Variants in RERE observed in about 807,000 individuals in gnomAD.
The protein encoded by RERE is arginine-glutamic acid dipeptide repeats protein.
Under a neutral mutation model 146.1 loss-of-function variants are expected in RERE, and 40 were observed. The ratio of observed to expected loss-of-function variants is 0.27; its 90% CI spans 0.21 to 0.36. The LOEUF (loss-of-function observed/expected upper bound fraction) is 0.36, where lower values mean the gene tolerates loss of function less well. Ranked by LOEUF, RERE falls within the 10% of genes least tolerant of loss-of-function variation. The pLI is 1.00. For missense variants in RERE, 1,933 were observed against 2,138.7 expected, an observed-to-expected ratio of 0.90 and a Z score of 1.90; for synonymous variants, 1,003 against 866.0, an observed-to-expected ratio of 1.16 and a Z score of -2.78.
intron 8 of RERE, among the ~76,000 whole-genome samples, chr1:8,506,732 G>T (rs1309322731): frequency 1.6e-4 from 25 of 152,132 alleles, no homozygotes; most frequent in East Asian, 7.7e-4. Context: ...GACCTGCTGG[G>T]GAAATTTTCC....
At chr1:8,403,452 G>C (rs945387665) in intron 12 of RERE, among the ~76,000 whole-genome samples, 4 of 119,502 alleles carry the variant, frequency 3.3e-5, no homozygotes, top group African/African-American at 1.2e-4. Context: ...TTTTTTTCCT[G>C]CTTCTCGGGT....
intron 19 of RERE, 114 bp from the exon 20 acceptor site, chr1:8,359,030 T>A: frequency 7.6e-7 from 1 of 1,315,846 alleles, no homozygotes. Context: ...CAGGCCAACC[T>A]GGTCCCTCCA....
At position 8,774,347 on chromosome 1, in the gene RERE, A is replaced by ATTTTTT. The variant is rs34859762; in HGVS notation, c.-145+42807_-145+42812dup. Among the ~76,000 whole-genome samples, 251 of 93,144 alleles carry ATTTTTT rather than the reference A, an allele frequency of 2.7e-3. 2 individuals carry two copies. The highest frequency in any genetic ancestry group is 3.8e-3 in the Non-Finnish European group (185 of 48,184). 61.1% of individuals were successfully genotyped at this position (93,144 alleles called of 152,430 possible). On this transcript the variant is annotated intron_variant, in intron 1 of 22. Transcript: ENST00000400908. ...ATTATCTCCTTCATTTTGGCAAACT[A>ATTTTTT]TTTTTTTTTTTTTTTTTTTTTTTGC...
At chr1:8,788,485 C>T (rs1040998647) in intron 1 of RERE, among the ~76,000 whole-genome samples, 5 of 152,000 alleles carry the variant, frequency 3.3e-5, no homozygotes, top group African/African-American at 1.2e-4. Context: ...CTGCCTTAGC[C>T]TCCTCAGCAG....
chr1:8,694,001 A>T (rs1315227528), intron 1 of RERE, among the ~76,000 whole-genome samples: 1 of 151,126 alleles, frequency 6.6e-6, no homozygotes, highest in Non-Finnish European at 1.5e-5. Context: ...GCCTGTTAGC[A>T]AAACTGAACA....
In RERE at chr1:8,355,533, T is replaced by A. The variant is rs759745382; in HGVS notation, c.4553A>T (p.Gln1518Leu). The A allele has an allele frequency of 6.2e-7, 1 of 1,604,584 alleles. No homozygotes were observed. Among genetic ancestry groups the A allele is most frequent in the East Asian group, 2.2e-5 (1 of 44,602 alleles). ...CTCGGCCGACTGGGCATGCATGGCCTGCAGCTGGTGGGCTGCTGACATGGG... is the reference window on the plus strand; with the variant it reads ...CTCGGCCGACTGGGCATGCATGGCCAGCAGCTGGTGGGCTGCTGACATGGG... ...PPPMSAAHQL[Q>L]AMHAQSAELQ... The change falls in exon 22 of 23, where the codon CAG (glutamine) becomes CTG (leucine). Residue 1518 changes from glutamine (Q) to leucine (L), a missense_variant. Gln to Leu is a moderately radical substitution (Grantham distance 113). Coordinates refer to ENST00000400908, the MANE Select transcript of RERE (RefSeq NM_001042681.2).
chr1:8,668,360 G>C (rs1233613891), intron 1 of RERE, among the ~76,000 whole-genome samples: 1 of 152,206 alleles, frequency 6.6e-6, no homozygotes, highest in East Asian at 1.9e-4. Context: ...ATTACTCATA[G>C]GTGACCTGCT....
At chr1:8,509,316 C>T (rs1007372865) in intron 7 of RERE, among the ~76,000 whole-genome samples, 3 of 152,064 alleles carry the variant, frequency 2.0e-5, no homozygotes, top group Non-Finnish European at 2.9e-5. Context: ...TCAGACATTT[C>T]TTCCGTTCAA....
intron 7 of RERE, among the ~76,000 whole-genome samples, chr1:8,519,207 C>T (rs1345331325): frequency 6.6e-6 from 1 of 152,074 alleles, no homozygotes; most frequent in Admixed American, 6.6e-5. Flanking sequence ...ATAGCAAGAC[C>T]TAGTCTCTGC....
intron 1 of RERE, among the ~76,000 whole-genome samples, chr1:8,721,860 T>G (rs1312391982): frequency 6.6e-6 from 1 of 152,158 alleles, no homozygotes; most frequent in East Asian, 1.9e-4. Flanking sequence ...TAAACCCTTA[T>G]CTCTGTCTTG....
chr1:8,473,141 C>T (rs1386713185), intron 10 of RERE, among the ~76,000 whole-genome samples: 3 of 152,132 alleles, frequency 2.0e-5, no homozygotes, highest in Admixed American at 2.0e-4. Context: ...CCATGGAATC[C>T]TCTGAGATGT....
chr1:8,703,712 T>C (rs1158562921), intron 1 of RERE, among the ~76,000 whole-genome samples: 1 of 152,212 alleles, frequency 6.6e-6, no homozygotes, highest in Non-Finnish European at 1.5e-5. Context: ...CTGTGAGTGA[T>C]CAGCATTTCA....
intron 1 of RERE, among the ~76,000 whole-genome samples, chr1:8,669,499 AAACT>A: frequency 6.6e-6 from 1 of 152,350 alleles, no homozygotes; most frequent in East Asian, 1.9e-4. Context: ...ACTGAATTAC[AAACT>A]AACAAGAAAA....
chr1:8,463,617 G>C (rs928915397), intron 11 of RERE, among the ~76,000 whole-genome samples: 1 of 152,164 alleles, frequency 6.6e-6, no homozygotes, highest in Non-Finnish European at 1.5e-5. Context: ...AATTCCAGAG[G>C]GAATGAAAGG....
chr1:8,520,881 TA>T (rs1165908926), intron 7 of RERE, among the ~76,000 whole-genome samples: 1 of 149,600 alleles, frequency 6.7e-6, no homozygotes, highest in Non-Finnish European at 1.5e-5. Flanking sequence ...TCAAACTGTA[TA>T]ACAAAGCTGA....
chr1:8,780,669 T>C (rs1216559399), intron 1 of RERE, among the ~76,000 whole-genome samples: 1 of 152,116 alleles, frequency 6.6e-6, no homozygotes, highest in Admixed American at 6.5e-5. Context: ...CCAACAACTA[T>C]CACACAATGG....
chr1:8,807,593 C>T (rs1569840577), intron 1 of RERE, among the ~76,000 whole-genome samples: 1 of 152,082 alleles, frequency 6.6e-6, no homozygotes, highest in Non-Finnish European at 1.5e-5. Context: ...GAACACTAAT[C>T]GGATTGGGTC....
At chr1:8,417,984 C>T (rs988230033) in intron 12 of RERE, among the ~76,000 whole-genome samples, 2 of 152,168 alleles carry the variant, frequency 1.3e-5, no homozygotes, top group Non-Finnish European at 2.9e-5. Flanking sequence ...GTTCAAACAC[C>T]GCCCCTCCAA....
chr1:8,628,746 T>C (rs899377954), intron 2 of RERE, among the ~76,000 whole-genome samples: 12 of 152,182 alleles, frequency 7.9e-5, no homozygotes, highest in African/African-American at 2.2e-4. Flanking sequence ...AAGAACGTAG[T>C]CAAGAGCAAT....
Sources: gnomAD v4.1 joint callset for allele counts (sites outside exome capture counted in the v4.1 genomes callset) on GRCh38, gnomAD v4.1.1 for gene constraint, MANE v1.5 for transcripts, NCBI Gene and HGNC (gene_info 2026-07-23, HGNC 2026-07-21) for gene names.